Variants in CFAP43 observed in about 807,000 individuals in gnomAD.
CFAP43 encodes cilia- and flagella-associated protein 43.
A neutral mutation model predicts 218.9 loss-of-function variants in CFAP43; 155 were observed. That is an observed-to-expected ratio of 0.71 (90% CI 0.62 to 0.81). The LOEUF (loss-of-function observed/expected upper bound fraction) is 0.81. CFAP43 is among the 30% of genes least tolerant of loss of function. CFAP43 has a pLI of 0.00. For missense variants in CFAP43, 1,778 were observed against 1,954.3 expected, an observed-to-expected ratio of 0.91 and a Z score of 1.70; for synonymous variants, 645 against 681.3, an observed-to-expected ratio of 0.95 and a Z score of 0.83.
chr10:104,212,949 C>T (rs2090908261), intron 4 of CFAP43, among the ~76,000 whole-genome samples: 1 of 152,192 alleles, frequency 6.6e-6, no homozygotes, highest in South Asian at 2.1e-4. Flanking sequence ...CTCGTTTTAT[C>T]TCCCATTTTA....
intron 4 of CFAP43, 89 bp downstream of exon 4, chr10:104,214,170 G>A: frequency 7.5e-7 from 1 of 1,335,514 alleles, no homozygotes; most frequent in Non-Finnish European, 1.0e-6. Context: ...TATGTATAAA[G>A]CCACTTAATT....
At chr10:104,170,920 T>C (rs1328506126) in intron 20 of CFAP43, among the ~76,000 whole-genome samples, 1 of 152,196 alleles carries the variant, frequency 6.6e-6, no homozygotes, top group Non-Finnish European at 1.5e-5. Flanking sequence ...TCAGCCTTTC[T>C]GGTGTGCTGT....
intron 12 of CFAP43, among the ~76,000 whole-genome samples, chr10:104,190,734 C>T (rs2090184209): frequency 6.6e-6 from 1 of 152,166 alleles, no homozygotes; most frequent in Admixed American, 6.5e-5. Context: ...GCATCAAATA[C>T]CAAGTCCTAC....
At chr10:104,163,131 T>G (rs1348243773) in intron 24 of CFAP43, among the ~76,000 whole-genome samples, 2 of 152,218 alleles carry the variant, frequency 1.3e-5, no homozygotes, top group Non-Finnish European at 2.9e-5. Flanking sequence ...GTTAAGAGGA[T>G]GAACTCTAAG....
intron 23 of CFAP43, among the ~76,000 whole-genome samples, chr10:104,164,850 A>G (rs1012649727): frequency 6.6e-6 from 1 of 152,218 alleles, no homozygotes. Context: ...ACTTCCTGAA[A>G]TGTAAATTGT....
At chr10:104,133,483 C>T (rs917164927) in intron 35 of CFAP43, 137 bp downstream of exon 35, 1 of 899,452 alleles carries the variant, frequency 1.1e-6, no homozygotes, top group Non-Finnish European at 1.6e-6. Flanking sequence ...AGAAAAATAA[C>T]TCACAGATAT....
In CFAP43 at chr10:104,227,835, C is replaced by CTT. The variant is rs776193577; in HGVS notation, c.320-2280_320-2279dup. Among the ~76,000 whole-genome samples the CTT allele has an allele frequency of 6.3e-4, 37 of 58,368 alleles. 1 individual carries two copies. Among genetic ancestry groups the CTT allele is most frequent in the Middle Eastern group, 0.023 (1 of 44 alleles). The allele number at this position is 58,368 out of a possible 152,430, so 38.3% of individuals were successfully genotyped here. A position where few individuals can be genotyped will look rare whatever the true frequency, so the allele number is the denominator to read the frequency against. Reference sequence around the variant, plus strand: ...CTCCTCTATTCTACCATGTTTTCTACTTTTTTTTTTTTTTTTTTTTTTTTT... The same window carrying CTT: ...CTCCTCTATTCTACCATGTTTTCTACTTTTTTTTTTTTTTTTTTTTTTTTTTT... On this transcript the variant is annotated intron_variant, in intron 2 of 37. Transcript: ENST00000357060.
chr10:104,157,775 TGAGA>T (rs139314213), intron 27 of CFAP43, among the ~76,000 whole-genome samples: 163 of 90,136 alleles, frequency 1.8e-3, no homozygotes, highest in East Asian at 3.8e-3. Context: ...TGTGTGTGTG[TGAGA>T]GAGAGAGAGA....
chr10:104,140,997 G>A lies in CFAP43; in HGVS notation c.4276C>T (p.Gln1426Ter), dbSNP rs2087680930. ...AACTGGAATCTCACTTTCTCTTCCTGTAATCTGAATTGAAAAGTACTTCAA... is the reference window on the plus strand; with the variant it reads ...AACTGGAATCTCACTTTCTCTTCCTATAATCTGAATTGAAAAGTACTTCAA... ...ERVFHELILL[Q>*]EEKVRFQLNL... is the part of the protein sequence containing the mutation. The change falls in exon 34 of 38, where the codon CAG becomes TAG. Residue 1426 changes from glutamine to a stop codon, truncating the protein, a stop_gained. Transcript: ENST00000357060. LOFTEE classifies it high-confidence loss of function. 1.2e-6 allele frequency: 2 copies of A among 1,608,446 alleles called. No individual in the cohort carries two copies. The highest frequency in any genetic ancestry group is 1.7e-5 in the Admixed American group (1 of 59,294).
At chr10:104,162,178 G>T in intron 25 of CFAP43, 137 bp from the exon 26 acceptor site, 1 of 1,229,958 alleles carries the variant, frequency 8.1e-7, no homozygotes, top group Non-Finnish European at 1.2e-6. Flanking sequence ...CTGGAGGAGA[G>T]AAGGGGAAAG....
intron 27 of CFAP43, among the ~76,000 whole-genome samples, chr10:104,158,810 C>T (rs1015341420): frequency 1.3e-5 from 2 of 151,926 alleles, no homozygotes; most frequent in African/African-American, 4.8e-5. Flanking sequence ...TTAGGAATAT[C>T]ATGATATCTG....
intron 21 of CFAP43, among the ~76,000 whole-genome samples, chr10:104,168,253 T>C (rs913869176): frequency 4.6e-5 from 7 of 152,114 alleles, no homozygotes; most frequent in African/African-American, 1.7e-4. Context: ...TGGGAGCATA[T>C]TTGAAAGTGA....
At chr10:104,187,563 C>A in intron 13 of CFAP43, 71 bp from the exon 14 acceptor site, 3 of 1,307,472 alleles carry the variant, frequency 2.3e-6, no homozygotes, top group South Asian at 2.0e-5. Flanking sequence ...AAATTATGAA[C>A]AATTATGAAA....
At chr10:104,134,102 G>C (rs1161030337) in intron 34 of CFAP43, among the ~76,000 whole-genome samples, 1 of 152,036 alleles carries the variant, frequency 6.6e-6, no homozygotes, top group Non-Finnish European at 1.5e-5. Context: ...CCTATTCATT[G>C]TCCTCCCACC....
chr10:104,213,181 G>A (rs1176303176), intron 4 of CFAP43, among the ~76,000 whole-genome samples: 1 of 152,204 alleles, frequency 6.6e-6, no homozygotes, highest in African/African-American at 2.4e-5. Flanking sequence ...GACATAAAGA[G>A]CACTGAGCAG....
At chr10:104,174,184 A>G (rs1168390587) in intron 19 of CFAP43, among the ~76,000 whole-genome samples, 3 of 152,256 alleles carry the variant, frequency 2.0e-5, no homozygotes, top group Non-Finnish European at 2.9e-5. Flanking sequence ...CCAATAATAT[A>G]TACCAATATA....
chr10:104,131,732 G>A (rs1485719779), intron 36 of CFAP43, among the ~76,000 whole-genome samples: 2 of 152,150 alleles, frequency 1.3e-5, no homozygotes, highest in Non-Finnish European at 2.9e-5. Flanking sequence ...TTAAAAGCTT[G>A]AGATTGCTTT....
At chr10:104,164,365 A>G (rs1388103702) in intron 23 of CFAP43, 65 bp from the exon 24 acceptor site, 9 of 1,206,538 alleles carry the variant, frequency 7.5e-6, no homozygotes, top group Non-Finnish European at 1.0e-5. Context: ...ACATGATCCC[A>G]CAATTATACT....
At chr10:104,192,714 T>C (rs1002651916) in intron 11 of CFAP43, 5 of 170,974 alleles carry the variant, frequency 2.9e-5, no homozygotes, top group Middle Eastern at 2.5e-3. Context: ...TGTCTACAAC[T>C]TTATCAAATT....
Sources: allele counts gnomAD v4.1 joint callset (sites outside exome capture counted in the v4.1 genomes callset), GRCh38; gene constraint gnomAD v4.1.1; transcripts MANE v1.5; gene names NCBI Gene and HGNC (gene_info 2026-07-23, HGNC 2026-07-21).